Variants in SGCD observed in about 807,000 individuals in gnomAD.
SGCD encodes the protein delta-sarcoglycan.
Under a neutral mutation model 36.6 loss-of-function variants are expected in SGCD, and 18 were observed. The ratio of observed to expected loss-of-function variants is 0.49; its 90% CI spans 0.34 to 0.73. SGCD has a LOEUF of 0.73. Ranked by LOEUF, SGCD falls within the 30% of genes least tolerant of loss-of-function variation. The probability of loss-of-function intolerance (pLI) is 0.01; values close to 1 mark genes in which losing one functional copy is unlikely to be tolerated. For synonymous variants in SGCD, 133 were observed against 130.6 expected, an observed-to-expected ratio of 1.02 and a Z score of -0.12; for missense variants, 387 against 346.7, an observed-to-expected ratio of 1.12 and a Z score of -0.92.
At chr5:156,313,084 T>C (rs997469023) in intron 3 of SGCD, among the ~76,000 whole-genome samples, 1 of 152,110 alleles carries the variant, frequency 6.6e-6, no homozygotes, top group Non-Finnish European at 1.5e-5. Context: ...TTGTCCCTCA[T>C]GGCTTAAGCA....
chr5:156,055,840 A>T (rs906077259), intron 1 of SGCD, among the ~76,000 whole-genome samples: 3 of 146,160 alleles, frequency 2.1e-5, no homozygotes, highest in African/African-American at 4.9e-5. Context: ...CATGCAGGTA[A>T]TAAAGCTTGC....
intron 3 of SGCD, among the ~76,000 whole-genome samples, chr5:156,423,443 T>C (rs1471989684): frequency 1.1e-5 from 1 of 91,592 alleles, no homozygotes; most frequent in Non-Finnish European, 2.4e-5. Context: ...ATAATATATT[T>C]ATTTTATTAT....
At chr5:155,807,062 G>T in the SGCD span, among the ~76,000 whole-genome samples, 1 of 152,122 alleles carries the variant, frequency 6.6e-6, no homozygotes, top group Non-Finnish European at 1.5e-5. Context: ...AGTAAAAATT[G>T]CTTGCCTTCT....
chr5:156,225,968 G>C (rs1334575559), intron 3 of SGCD, among the ~76,000 whole-genome samples: 2 of 152,016 alleles, frequency 1.3e-5, no homozygotes, highest in Non-Finnish European at 2.9e-5. Flanking sequence ...AAAGCTGTTG[G>C]GCATATGGAT....
intron 3 of SGCD, among the ~76,000 whole-genome samples, chr5:156,303,014 GC>G (rs1767095429): frequency 6.6e-6 from 1 of 152,212 alleles, no homozygotes; most frequent in Admixed American, 6.5e-5. Context: ...TCTTCAGTCA[GC>G]AGGTGGAAAA....
At chr5:156,243,275 G>A (rs548187735) in intron 3 of SGCD, among the ~76,000 whole-genome samples, 2 of 152,346 alleles carry the variant, frequency 1.3e-5, no homozygotes, top group East Asian at 3.9e-4. Flanking sequence ...GGTGCCTGGT[G>A]GAAGCGCAGG....
chr5:156,596,180 T>G (rs1386320054), intron 6 of SGCD, among the ~76,000 whole-genome samples: 2 of 152,214 alleles, frequency 1.3e-5, no homozygotes, highest in African/African-American at 4.8e-5. Context: ...TAGGTGCTGC[T>G]GCTGCTGTTA....
chr5:156,601,899 T>C (rs1193992450), intron 6 of SGCD, among the ~76,000 whole-genome samples: 2 of 152,184 alleles, frequency 1.3e-5, no homozygotes, highest in East Asian at 3.9e-4. Flanking sequence ...GCCAGGATGA[T>C]CTCGATCTCC....
At chr5:155,879,768 AACGTT>A (rs1163260143) in intron 1 of SGCD, among the ~76,000 whole-genome samples, 1 of 152,144 alleles carries the variant, frequency 6.6e-6, no homozygotes, top group Non-Finnish European at 1.5e-5. Context: ...TCATATTAAA[AACGTT>A]ATTCTCACCA....
chr5:155,932,728 A>G (rs1757122662), intron 1 of SGCD, among the ~76,000 whole-genome samples: 1 of 152,144 alleles, frequency 6.6e-6, no homozygotes, highest in South Asian at 2.1e-4. Context: ...TGTTAGGAGC[A>G]TTTGGTTTAT....
chr5:155,775,640 C>A, the SGCD span, among the ~76,000 whole-genome samples: 10 of 152,176 alleles, frequency 6.6e-5, no homozygotes, highest in African/African-American at 2.4e-4. Flanking sequence ...GCAACTATCA[C>A]TTGCTTCTTT....
chr5:156,579,095 G>T (rs1167262281), intron 4 of SGCD, among the ~76,000 whole-genome samples: 12 of 152,172 alleles, frequency 7.9e-5, no homozygotes, highest in Non-Finnish European at 4.4e-5. Context: ...GTGTCCCAGA[G>T]ATTCTGGTAT....
At chr5:156,109,184 C>T (rs562083883) in intron 1 of SGCD, among the ~76,000 whole-genome samples, 59 of 152,282 alleles carry the variant, frequency 3.9e-4, no homozygotes, top group African/African-American at 1.3e-3. Context: ...TTGATCTCAT[C>T]ATTCAGAGTT....
intron 6 of SGCD, among the ~76,000 whole-genome samples, chr5:156,637,453 G>C (rs1762871018): frequency 6.6e-6 from 1 of 152,130 alleles, no homozygotes; most frequent in African/African-American, 2.4e-5. Context: ...CAGAAGATGA[G>C]ATGACTCAGG....
At chr5:156,347,223 G>T (rs1423362993) in intron 3 of SGCD, among the ~76,000 whole-genome samples, 21 of 152,182 alleles carry the variant, frequency 1.4e-4, no homozygotes, top group Admixed American at 1.2e-3. Flanking sequence ...GGGAAAGTTT[G>T]TTAGAGCTGA....
At chr5:155,869,019 G>A (rs904245554), upstream of SGCD, among the ~76,000 whole-genome samples, 1 of 152,168 alleles carries the variant, frequency 6.6e-6, no homozygotes, top group Non-Finnish European at 1.5e-5. Flanking sequence ...AGAAAGATTA[G>A]GATTATCTCT....
intron 3 of SGCD, among the ~76,000 whole-genome samples, chr5:156,311,194 C>T (rs1202569271): frequency 1.3e-5 from 2 of 152,176 alleles, no homozygotes; most frequent in Admixed American, 1.3e-4. Context: ...AATTCTCTGA[C>T]ACCTGCTATT....
intron 7 of SGCD, among the ~76,000 whole-genome samples, chr5:156,721,421 A>AG (rs1321439927): frequency 6.6e-6 from 1 of 152,228 alleles, no homozygotes; most frequent in African/African-American, 2.4e-5. Context: ...GATAGTTTCA[A>AG]GAAGGAAGGA....
intron 3 of SGCD, among the ~76,000 whole-genome samples, chr5:156,319,273 T>G (rs1318313287): frequency 6.6e-6 from 1 of 152,180 alleles, no homozygotes; most frequent in Non-Finnish European, 1.5e-5. Context: ...TCCCTTACCA[T>G]TAAACCCTAC....
Sources: allele counts gnomAD v4.1 joint callset (sites outside exome capture counted in the v4.1 genomes callset), GRCh38; gene constraint gnomAD v4.1.1; transcripts MANE v1.5; gene names NCBI Gene and HGNC (gene_info 2026-07-23, HGNC 2026-07-21).